The following SMURF1 variants were observed in gnomAD, a reference collection of about 807,000 sequenced individuals.
The protein encoded by SMURF1 is E3 ubiquitin-protein ligase SMURF1.
A neutral mutation model predicts 98.0 loss-of-function variants in SMURF1; 44 were observed. The ratio of observed to expected loss-of-function variants is 0.45; its 90% CI spans 0.35 to 0.58. The LOEUF (loss-of-function observed/expected upper bound fraction) is 0.58. SMURF1 is among the 20% of genes least tolerant of loss of function. The probability of loss-of-function intolerance (pLI) is 0.00; values close to 1 mark genes in which losing one functional copy is unlikely to be tolerated. For synonymous variants in SMURF1, 396 were observed against 374.9 expected, an observed-to-expected ratio of 1.06 and a Z score of -0.65; for missense variants, 687 against 938.4, an observed-to-expected ratio of 0.73 and a Z score of 3.50.
intron 9 of SMURF1, chr7:99,048,960 G>C (rs189059600): frequency 6.6e-6 from 1 of 152,158 alleles, no homozygotes; most frequent in Non-Finnish European, 1.5e-5. Context: ...GCATGGTGGC[G>C]GGCGCCTGTA....
chr7:99,125,158 A>T (rs917158612), intron 1 of SMURF1, among the ~76,000 whole-genome samples: 2 of 152,196 alleles, frequency 1.3e-5, no homozygotes, highest in African/African-American at 4.8e-5. Context: ...GGCTCACTGC[A>T]GCCTCAAACT....
At chr7:99,139,344 T>G (rs1466885800) in intron 1 of SMURF1, among the ~76,000 whole-genome samples, 1 of 152,222 alleles carries the variant, frequency 6.6e-6, no homozygotes. Context: ...TGTTTGGAAT[T>G]AGAGTTTTTC....
chr7:99,070,687 G>A (rs960923678), intron 1 of SMURF1, among the ~76,000 whole-genome samples: 1 of 151,514 alleles, frequency 6.6e-6, no homozygotes, highest in Admixed American at 6.6e-5. Flanking sequence ...CCACTAGAAT[G>A]TAAGCATCAA....
intron 1 of SMURF1, among the ~76,000 whole-genome samples, chr7:99,108,133 A>T (rs1797232987): frequency 6.6e-6 from 1 of 152,200 alleles, no homozygotes; most frequent in South Asian, 2.1e-4. Context: ...TACTCACAAC[A>T]TAAAGAACAC....
intron 1 of SMURF1, among the ~76,000 whole-genome samples, chr7:99,082,206 G>A (rs1796589888): frequency 2.0e-5 from 3 of 152,148 alleles, no homozygotes; most frequent in Admixed American, 6.5e-5. Flanking sequence ...AACATAATTT[G>A]CAAACATTTT....
chr7:99,089,948 T>C (rs1796773858), intron 1 of SMURF1, among the ~76,000 whole-genome samples: 1 of 152,158 alleles, frequency 6.6e-6, no homozygotes. Flanking sequence ...TTCATTTTAA[T>C]AAGAACAATC....
chr7:99,045,940 C>G (rs151253493), intron 10 of SMURF1, 139 bp from the exon 11 acceptor site: 1 of 656,486 alleles, frequency 1.5e-6, no homozygotes, highest in African/African-American at 1.8e-5. Flanking sequence ...CAGAATGTTT[C>G]TTCGGCATCT....
chr7:99,056,429 T>A (rs1795876933), intron 5 of SMURF1, among the ~76,000 whole-genome samples: 1 of 152,232 alleles, frequency 6.6e-6, no homozygotes, highest in African/African-American at 2.4e-5. Context: ...CTTTGTAACA[T>A]TAGCACACTT....
chr7:99,108,120 A>C (rs1563032046), intron 1 of SMURF1, among the ~76,000 whole-genome samples: 1 of 152,166 alleles, frequency 6.6e-6, no homozygotes, highest in Non-Finnish European at 1.5e-5. Flanking sequence ...GAAATTCACA[A>C]CCTACTCACA....
intron 1 of SMURF1, among the ~76,000 whole-genome samples, chr7:99,135,699 A>G (rs1797976283): frequency 6.6e-6 from 1 of 152,254 alleles, no homozygotes; most frequent in African/African-American, 2.4e-5. Context: ...CAATGCTGCA[A>G]TGATTTTACA....
chr7:99,040,020 G>A (rs61277251), intron 13 of SMURF1, among the ~76,000 whole-genome samples: 5,736 of 152,184 alleles, frequency 0.038, 353 homozygotes, highest in African/African-American at 0.13. Context: ...GTCTGTGATC[G>A]CGCCTTCTTC....
chr7:99,088,239 C>G (rs958253991), intron 1 of SMURF1, among the ~76,000 whole-genome samples: 2 of 149,398 alleles, frequency 1.3e-5, no homozygotes, highest in African/African-American at 2.5e-5. Flanking sequence ...GCCTGGGCAA[C>G]AGAGCAAGAC....
At chr7:99,040,624 T>TC (rs923718737) in intron 12 of SMURF1, 68 bp from the exon 13 acceptor site, 6 of 1,328,530 alleles carry the variant, frequency 4.5e-6, no homozygotes, top group Non-Finnish European at 5.8e-6. Context: ...TCTCGTGCTG[T>TC]CCCCAAGCTT....
chr7:99,054,096 T>A (rs34282971), intron 6 of SMURF1, among the ~76,000 whole-genome samples: 14 of 152,010 alleles, frequency 9.2e-5, no homozygotes, highest in Admixed American at 9.2e-4. Flanking sequence ...CATGCCCAGC[T>A]AATTTGTTAT....
chr7:99,030,658 A>G lies in SMURF1; in HGVS notation c.2122T>C (p.Tyr708His). The G allele has an allele frequency of 6.2e-7, 1 of 1,613,998 alleles. No homozygotes were observed. The highest frequency in any genetic ancestry group is 8.5e-7 in the Non-Finnish European group (1 of 1,179,980). Residue 708 changes from tyrosine to histidine, a missense_variant, in exon 18 of 18, where the codon TAT (tyrosine) becomes CAT (histidine). This residue lies in a region of SMURF1 where 272 missense variants were observed against 430.0 expected (regional missense o/e 0.63). Coordinates refer to ENST00000361368, the MANE Select transcript of SMURF1 (RefSeq NM_181349.3). ...TCGTAGAGCTTCTCATAGGACTCAT[A>G]TGGTGGAATGTCGATCCGGTTAAAG... is the stretch of plus-strand genomic sequence containing the variant. ...TCFNRIDIPP[Y>H]ESYEKLYEKL...
rs201243526 is a variant in SMURF1, at chr7:99,059,923, A to AG, written c.203+675_203+676insC. 3.3e-5 allele frequency among the ~76,000 whole-genome samples: 5 copies of AG among 151,868 alleles called. No homozygotes were observed. In the East Asian group the frequency reaches 7.8e-4, roughly 24 times the overall value. On this transcript the variant is annotated intron_variant, in intron 3 of 17. Coordinates refer to ENST00000361368, the MANE Select transcript of SMURF1 (RefSeq NM_181349.3). ...AGACTCCATCTCAAAAAAAAAAAAA[A>AG]TGCATTTTTTAGGTAGAAACTACAA... is the stretch of plus-strand genomic sequence containing the variant.
At chr7:99,039,068 C>T (rs1259574624) in intron 13 of SMURF1, among the ~76,000 whole-genome samples, 6 of 151,716 alleles carry the variant, frequency 4.0e-5, no homozygotes, top group African/African-American at 1.5e-4. Flanking sequence ...TGGCAGGCGC[C>T]TGTAGTCCCA....
intron 13 of SMURF1, 93 bp downstream of exon 13, chr7:99,040,285 A>G (rs921723682): frequency 2.4e-6 from 3 of 1,234,434 alleles, no homozygotes; most frequent in Non-Finnish European, 3.1e-6. Flanking sequence ...TCCCCAAAAT[A>G]CACACACACG....
intron 14 of SMURF1, among the ~76,000 whole-genome samples, 187 bp downstream of exon 14, chr7:99,038,201 C>T (rs1232509161): frequency 6.6e-6 from 1 of 152,196 alleles, no homozygotes; most frequent in Non-Finnish European, 1.5e-5. Flanking sequence ...ATCAGGGCCC[C>T]TCCAAGCAGA....
Sources: allele counts gnomAD v4.1 joint callset (sites outside exome capture counted in the v4.1 genomes callset), GRCh38; gene constraint gnomAD v4.1.1; regional missense constraint gnomAD v4.1.1; transcripts MANE v1.5; gene names NCBI Gene and HGNC (gene_info 2026-07-23, HGNC 2026-07-21).